Variants in PAPPA observed in about 807,000 individuals in gnomAD.
The protein encoded by PAPPA is pappalysin 1.
PAPPA carries 60 observed loss-of-function variants against 164.0 expected under a neutral mutation model. The ratio of observed to expected loss-of-function variants is 0.37; its 90% CI spans 0.30 to 0.45. PAPPA has a LOEUF of 0.45. Ranked by LOEUF, PAPPA falls within the 20% of genes least tolerant of loss-of-function variation. PAPPA has a pLI of 1.00. For synonymous variants in PAPPA, 875 were observed against 814.1 expected (o/e 1.07, Z -1.27); for missense variants, 1,782 against 2,087.3 (o/e 0.85, Z 2.85).
chr9:116,294,136 A>G (rs1249846982), intron 9 of PAPPA, among the ~76,000 whole-genome samples: 1 of 152,044 alleles, frequency 6.6e-6, no homozygotes, highest in East Asian at 1.9e-4. Flanking sequence ...GCCTTCCTTG[A>G]TGGGCCTGAG....
chr9:116,348,897 C>G (rs1182480940), intron 15 of PAPPA, among the ~76,000 whole-genome samples: 1 of 152,122 alleles, frequency 6.6e-6, no homozygotes, highest in Non-Finnish European at 1.5e-5. Flanking sequence ...TTTATTCAGT[C>G]TATCATTGAT....
rs769567920 is a variant in PAPPA, at chr9:116,187,233, C to T, written c.495C>T (p.Asn165=). 5.0e-6 allele frequency: 8 copies of T among 1,614,026 alleles called. No homozygotes were observed. The highest frequency in any genetic ancestry group is 3.3e-5 in the South Asian group (3 of 91,072). The change falls in exon 2 of 22, where the codon AAC becomes AAT. Residue 165 remains asparagine (N), a synonymous_variant. Transcript: ENST00000328252. The surrounding 1 kb of genome is among the most constrained non-coding windows in gnomAD (Gnocchi z 4.2). ...TTCACACCATCAGTGACCAAGACAA[C>T]AAAGACCCACGCTACTTTTTCTCCT... The part of the protein sequence containing the change: ...VGIHTISDQD[N]KDPRYFFSLK...
chr9:116,179,340 G>A (rs183425310), intron 1 of PAPPA, among the ~76,000 whole-genome samples: 219 of 152,266 alleles, frequency 1.4e-3, no homozygotes, highest in East Asian at 2.7e-3. Flanking sequence ...GCTCCATGCC[G>A]TCCTGCAAAA....
At chr9:116,157,694 G>A (rs1012525703) in intron 1 of PAPPA, among the ~76,000 whole-genome samples, 3 of 152,008 alleles carry the variant, frequency 2.0e-5, no homozygotes, top group African/African-American at 4.8e-5. Flanking sequence ...CCCCTGCACC[G>A]CTGAGAGAAT....
intron 21 of PAPPA, among the ~76,000 whole-genome samples, chr9:116,387,034 A>G (rs1846823635): frequency 1.3e-5 from 2 of 152,038 alleles, no homozygotes; most frequent in African/African-American, 2.4e-5. Context: ...CCCCAGTCCC[A>G]TATCAAGAGA....
intron 19 of PAPPA, among the ~76,000 whole-genome samples, chr9:116,374,170 TTGATGATGATGATGGTGG>T (rs1212971428): frequency 3.6e-5 from 5 of 139,546 alleles, no homozygotes; most frequent in East Asian, 4.2e-4. Context: ...GGTGGTGGTG[TTGATGATGATGATGGTGG>T]TGATGATGAT....
At chr9:116,281,486 G>C (rs1019961572) in intron 9 of PAPPA, among the ~76,000 whole-genome samples, 21 of 152,076 alleles carry the variant, frequency 1.4e-4, no homozygotes, top group Admixed American at 1.4e-3. Flanking sequence ...CAATCATTGA[G>C]ACACTGAAGC....
At chr9:116,168,602 GTGTGTGCTCTGCCT>G (rs2118985683) in intron 1 of PAPPA, among the ~76,000 whole-genome samples, 1 of 152,328 alleles carries the variant, frequency 6.6e-6, no homozygotes, top group South Asian at 2.1e-4. Flanking sequence ...TGTATGTAGA[GTGTGTGCTCTGCCT>G]TGTGTGGGGG....
chr9:116,318,031 C>T (rs1845808333), intron 10 of PAPPA, among the ~76,000 whole-genome samples: 1 of 152,216 alleles, frequency 6.6e-6, no homozygotes, highest in South Asian at 2.1e-4. Context: ...ACTTATCCTT[C>T]ACGCCTCCGC....
At chr9:116,254,799 A>G (rs1448498890) in intron 7 of PAPPA, among the ~76,000 whole-genome samples, 1 of 150,442 alleles carries the variant, frequency 6.6e-6, no homozygotes, top group Admixed American at 6.6e-5. Flanking sequence ...AAAAAAAAAA[A>G]AAAGAGAGAA....
chr9:116,292,509 G>A (rs1286113032), intron 9 of PAPPA, among the ~76,000 whole-genome samples: 1 of 152,158 alleles, frequency 6.6e-6, no homozygotes, highest in Non-Finnish European at 1.5e-5. Flanking sequence ...AAAAAAGTAG[G>A]ACAGATGACT....
At chr9:116,379,427 G>A (rs925995944) in intron 20 of PAPPA, among the ~76,000 whole-genome samples, 1 of 152,156 alleles carries the variant, frequency 6.6e-6, no homozygotes, top group Non-Finnish European at 1.5e-5. Context: ...AAGCTTCACT[G>A]AGAACCTCTT....
Position 116,271,262 on chromosome 9 carries a change from T to C in PAPPA, c.2862-63T>C. On this transcript the variant is annotated intron_variant, in intron 8 of 21. Coordinates refer to ENST00000328252, the MANE Select transcript of PAPPA (RefSeq NM_002581.5). The surrounding 1 kb of genome is among the most constrained non-coding windows in gnomAD (Gnocchi z 4.2). ...GGTTCATGGCCCAGGGAGGGACTTT[T>C]CCATGTCCAGCCATGGTTTTAAGAC... 1 of 1,171,206 alleles carries C rather than the reference T, an allele frequency of 8.5e-7. No homozygotes were observed. The highest frequency in any genetic ancestry group is 1.2e-5 in the South Asian group (1 of 81,718). The allele number at this position is 1,171,206 out of a possible 1,614,324, so 72.6% of individuals were successfully genotyped here. A position where few individuals can be genotyped will look rare whatever the true frequency, so the allele number is the denominator to read the frequency against.
At chr9:116,303,090 C>A (rs1845600127) in intron 10 of PAPPA, 140 bp downstream of exon 10, 2 of 610,144 alleles carry the variant, frequency 3.3e-6, no homozygotes, top group African/African-American at 3.7e-5. Flanking sequence ...GTTAGGGCTT[C>A]ATGAATACCA....
chr9:116,377,022 T>C (rs1846662526), intron 19 of PAPPA, among the ~76,000 whole-genome samples: 1 of 152,090 alleles, frequency 6.6e-6, no homozygotes, highest in Admixed American at 6.6e-5. Context: ...GAGAGTCCAA[T>C]TCATTAAATC....
chr9:116,370,174 A>G (rs748786812), intron 19 of PAPPA, among the ~76,000 whole-genome samples: 69 of 151,998 alleles, frequency 4.5e-4, no homozygotes, highest in Non-Finnish European at 8.8e-4. Flanking sequence ...GGGGTAAGAG[A>G]GTGAGAGGCA....
chr9:116,272,549 C>T (rs926548221), intron 9 of PAPPA, among the ~76,000 whole-genome samples: 3 of 152,186 alleles, frequency 2.0e-5, no homozygotes, highest in East Asian at 3.9e-4. Context: ...ATTCTCAACA[C>T]GCATTTGTTG....
chr9:116,190,096 G>A (rs2118635751), intron 2 of PAPPA, among the ~76,000 whole-genome samples: 1 of 152,308 alleles, frequency 6.6e-6, no homozygotes, highest in Middle Eastern at 3.4e-3. Context: ...TCAACACAGA[G>A]GTTAACATTC....
At chr9:116,221,653 C>T (rs1844447379) in intron 5 of PAPPA, among the ~76,000 whole-genome samples, 1 of 151,900 alleles carries the variant, frequency 6.6e-6, no homozygotes, top group Non-Finnish European at 1.5e-5. Context: ...ATCTCAGACT[C>T]GTATGTGCTT....
Sources: gnomAD v4.1 joint callset for allele counts (sites outside exome capture counted in the v4.1 genomes callset) on GRCh38, gnomAD v4.1.1 for gene constraint, Gnocchi (gnomAD v3.1) non-coding constraint, MANE v1.5 for transcripts, NCBI Gene and HGNC (gene_info 2026-07-23, HGNC 2026-07-21) for gene names.